Variants in WDR27 observed in about 807,000 individuals in gnomAD.
The protein encoded by WDR27 is WD repeat domain 27, also known as WD repeat-containing protein 27.
WDR27 carries 100 observed loss-of-function variants against 114.4 expected under a neutral mutation model. That is an observed-to-expected ratio of 0.87 (90% CI 0.74 to 1.03). The LOEUF (loss-of-function observed/expected upper bound fraction) is 1.03. WDR27 is among the 50% of genes least tolerant of loss of function. WDR27 has a pLI of 0.00. For missense variants in WDR27, 1,129 were observed against 1,092.9 expected (o/e 1.03, Z -0.47); for synonymous variants, 449 against 423.1 (o/e 1.06, Z -0.75).
intron 25 of WDR27, among the ~76,000 whole-genome samples, chr6:169,508,536 T>C (rs143774608): frequency 3.3e-5 from 5 of 152,186 alleles, no homozygotes; most frequent in Non-Finnish European, 7.4e-5. Flanking sequence ...TAAGAGTGAA[T>C]AGTCTAAAGT....
chr6:169,638,322 C>CAAAAAAAAA (rs60501000), intron 18 of WDR27, among the ~76,000 whole-genome samples: 4 of 11,064 alleles, frequency 3.6e-4, no homozygotes, highest in East Asian at 2.9e-3. Flanking sequence ...GACTCCGTCT[C>CAAAAAAAAA]AAAAAAAAAA....
chr6:169,688,431 A>G (rs577794416), intron 2 of WDR27, among the ~76,000 whole-genome samples: 3 of 152,188 alleles, frequency 2.0e-5, no homozygotes, highest in Non-Finnish European at 4.4e-5. Context: ...ATATTCATTT[A>G]GTTATAGTCA....
intron 2 of WDR27, among the ~76,000 whole-genome samples, chr6:169,685,547 C>G (rs1402424289): frequency 6.6e-6 from 1 of 151,866 alleles, no homozygotes; most frequent in Non-Finnish European, 1.5e-5. Flanking sequence ...TTAAAGAATT[C>G]AATGAATAAA....
At chr6:169,517,995 T>C (rs1190106241) in intron 25 of WDR27, among the ~76,000 whole-genome samples, 1 of 152,216 alleles carries the variant, frequency 6.6e-6, no homozygotes, top group Admixed American at 6.5e-5. Flanking sequence ...AGTCATTAAA[T>C]CTTAAAGTTC....
At chr6:169,698,056 G>C (rs535079172) in intron 1 of WDR27, among the ~76,000 whole-genome samples, 153 of 152,294 alleles carry the variant, frequency 1.0e-3, no homozygotes, top group African/African-American at 3.6e-3. Flanking sequence ...AGTATGAAGA[G>C]TTCACAGAAA....
At chr6:169,500,567 G>A (rs147988676) in intron 25 of WDR27, among the ~76,000 whole-genome samples, 2 of 152,290 alleles carry the variant, frequency 1.3e-5, no homozygotes, top group African/African-American at 4.8e-5. Flanking sequence ...GAGGGCCTGC[G>A]GAGCAGAAGT....
intron 25 of WDR27, among the ~76,000 whole-genome samples, chr6:169,568,327 A>C (rs1369832866): frequency 6.6e-6 from 1 of 152,202 alleles, no homozygotes; most frequent in Non-Finnish European, 1.5e-5. Flanking sequence ...AGGAAAAAAA[A>C]CATTTCTTAT....
intron 1 of WDR27, among the ~76,000 whole-genome samples, chr6:169,700,486 T>C (rs1209365256): frequency 6.6e-6 from 1 of 152,220 alleles, no homozygotes; most frequent in East Asian, 1.9e-4. Context: ...AGTGCAGCCA[T>C]GTAGTCGTTG....
chr6:169,563,543 C>T (rs1221105841), intron 25 of WDR27, among the ~76,000 whole-genome samples: 1 of 152,100 alleles, frequency 6.6e-6, no homozygotes, highest in Non-Finnish European at 1.5e-5. Context: ...AAGCTGTATT[C>T]GAGAGCAGAG....
chr6:169,534,787 T>C (rs1796026880), intron 25 of WDR27, among the ~76,000 whole-genome samples: 1 of 152,040 alleles, frequency 6.6e-6, no homozygotes, highest in Non-Finnish European at 1.5e-5. Flanking sequence ...TTTTTTTTCT[T>C]GGTCAGCTCT....
In WDR27 at chr6:169,567,132, C is replaced by T. The variant is rs150996190; in HGVS notation, c.2645+5287G>A. ...GGGACCTTTGGAAATGAGTCAGGCA[C>T]TTTGGGCTGTGACAGTGACACCTGG... is the stretch of plus-strand genomic sequence containing the variant. On this transcript the variant is annotated intron_variant, in intron 25 of 25. Transcript: ENST00000448612. 3.3e-3 allele frequency among the ~76,000 whole-genome samples: 506 copies of T among 152,280 alleles called. 2 individuals are homozygous for T. Among genetic ancestry groups the T allele is most frequent in the African/African-American group, 0.011 (474 of 41,556 alleles).
intron 18 of WDR27, among the ~76,000 whole-genome samples, chr6:169,637,635 C>T (rs181320913): frequency 1.2e-4 from 18 of 150,736 alleles, no homozygotes; most frequent in Middle Eastern, 3.5e-3. Context: ...TGTAAGCATG[C>T]GTATGTGTAT....
At chr6:169,536,398 A>T (rs1196650153) in intron 25 of WDR27, among the ~76,000 whole-genome samples, 2 of 152,164 alleles carry the variant, frequency 1.3e-5, no homozygotes, top group African/African-American at 4.8e-5. Flanking sequence ...ACATTTTCCA[A>T]ATTAGGTCCA....
intron 13 of WDR27, among the ~76,000 whole-genome samples, chr6:169,656,083 C>A (rs1036231893): frequency 2.0e-5 from 3 of 152,056 alleles, no homozygotes; most frequent in African/African-American, 7.2e-5. Flanking sequence ...CAGCCCCCTA[C>A]CCTCAGTCAG....
intron 25 of WDR27, among the ~76,000 whole-genome samples, chr6:169,498,936 C>T (rs1202781984): frequency 2.0e-5 from 3 of 152,114 alleles, no homozygotes; most frequent in Non-Finnish European, 2.9e-5. Flanking sequence ...TAATACTGCA[C>T]GGAACTGCAT....
chr6:169,642,839 G>A (rs1819580059), intron 17 of WDR27, among the ~76,000 whole-genome samples: 1 of 152,224 alleles, frequency 6.6e-6, no homozygotes, highest in Non-Finnish European at 1.5e-5. Flanking sequence ...CTGCCCTTGG[G>A]GTGGTCACGC....
intron 2 of WDR27, among the ~76,000 whole-genome samples, chr6:169,677,718 C>G (rs973065012): frequency 3.9e-5 from 6 of 152,236 alleles, no homozygotes; most frequent in African/African-American, 1.4e-4. Context: ...ATTACAGGCC[C>G]TGAAGTCTAG....
chr6:169,508,565 A>G (rs980659171), intron 25 of WDR27, among the ~76,000 whole-genome samples: 7 of 152,210 alleles, frequency 4.6e-5, no homozygotes, highest in African/African-American at 1.7e-4. Context: ...ATTAGTCTCT[A>G]TGAATTGTCT....
rs566011320 is a variant in WDR27, at chr6:169,577,566, C to T, written c.2524-5026G>A. 8.3e-4 allele frequency among the ~76,000 whole-genome samples: 127 copies of T among 152,222 alleles called. 1 individual carries two copies. Among genetic ancestry groups the T allele is most frequent in the African/African-American group, 3.0e-3 (125 of 41,550 alleles). On this transcript the variant is annotated intron_variant, in intron 24 of 25. Coordinates refer to ENST00000448612, the MANE Select transcript of WDR27 (RefSeq NM_182552.5). ...GTGAGCAACGGGAGACGAACTCGGCCCCGAAGCAGGACGACGGCGCCTCCG... is the reference window on the plus strand; with the variant it reads ...GTGAGCAACGGGAGACGAACTCGGCTCCGAAGCAGGACGACGGCGCCTCCG...
Sources: gnomAD v4.1 joint callset for allele counts (sites outside exome capture counted in the v4.1 genomes callset) on GRCh38, gnomAD v4.1.1 for gene constraint, MANE v1.5 for transcripts, NCBI Gene and HGNC (gene_info 2026-07-23, HGNC 2026-07-21) for gene names.